MRPS5: variants seen among roughly 807,000 people sequenced by gnomAD.
The protein encoded by MRPS5 is small ribosomal subunit protein uS5m.
MRPS5 carries 27 observed loss-of-function variants against 51.9 expected under a neutral mutation model. The ratio of observed to expected loss-of-function variants is 0.52; its 90% CI spans 0.38 to 0.72. The LOEUF is 0.72. Ranked by LOEUF, MRPS5 falls within the 30% of genes least tolerant of loss-of-function variation. The probability of loss-of-function intolerance (pLI) is 0.00; values close to 1 mark genes in which losing one functional copy is unlikely to be tolerated. For synonymous variants in MRPS5, 196 were observed against 193.2 expected, an observed-to-expected ratio of 1.01 and a Z score of -0.12; for missense variants, 570 against 545.7, an observed-to-expected ratio of 1.04 and a Z score of -0.44.
chr2:95,121,602 G>A, intron 1 of MRPS5, 132 bp downstream of exon 1: 1 of 992,032 alleles, frequency 1.0e-6, no homozygotes, highest in Non-Finnish European at 1.4e-6. Context: ...TCCGGCGGAA[G>A]GTGGGGGCAC....
chr2:95,094,917 T>C (rs1017923608), intron 10 of MRPS5, among the ~76,000 whole-genome samples: 3 of 152,192 alleles, frequency 2.0e-5, no homozygotes, highest in African/African-American at 7.2e-5. Context: ...AATGCCCCAA[T>C]TAAAAGACAT....
chr2:95,102,133 TA>T (rs1675821269), intron 7 of MRPS5, among the ~76,000 whole-genome samples: 1 of 150,220 alleles, frequency 6.7e-6, no homozygotes, highest in Non-Finnish European at 1.5e-5. Context: ...GCACTCCAGA[TA>T]GAGCAAGACC....
chr2:95,110,010 T>A lies in MRPS5; in HGVS notation c.309A>T (p.Leu103Phe). 1 of 1,614,056 alleles carries A rather than the reference T, an allele frequency of 6.2e-7. No homozygotes were observed. Among genetic ancestry groups the A allele is most frequent in the Non-Finnish European group, 8.5e-7 (1 of 1,179,990 alleles). The change falls in exon 4 of 12, where the codon TTA becomes TTT. Residue 103 changes from leucine (L) to phenylalanine (F), a missense_variant. Leu to Phe is a conservative substitution (Grantham distance 22). Coordinates refer to ENST00000272418, the MANE Select transcript of MRPS5 (RefSeq NM_031902.5). Reference sequence around the variant, plus strand: ...TTTTTGCTCCAGCACCAGTCTCTGCTAAAGCGCCTTTCCACAGCTCATCTG... The same window carrying A: ...TTTTTGCTCCAGCACCAGTCTCTGCAAAAGCGCCTTTCCACAGCTCATCTG... ...LTADELWKGA[L>F]AETGAGAKKG...
At chr2:95,112,037 ACCT>A (rs1261203919) in intron 3 of MRPS5, among the ~76,000 whole-genome samples, 1 of 152,016 alleles carries the variant, frequency 6.6e-6, no homozygotes, top group Non-Finnish European at 1.5e-5. Flanking sequence ...TAATATATAC[ACCT>A]ATTAACTATA....
At position 95,093,988 on chromosome 2, in the gene MRPS5, A is replaced by C. The variant is rs531829867; in HGVS notation, c.932-3466T>G. 3.3e-5 allele frequency among the ~76,000 whole-genome samples: 5 copies of C among 152,358 alleles called. No individual in the cohort carries two copies. The South Asian group carries it at 1.0e-3, about 32-fold the overall frequency. ...ATCACAAGGAAGCTAAAAATCTTGA[A>C]AAAAGATTAGACAAATGGCTAACTA... is the stretch of plus-strand genomic sequence containing the variant. On this transcript the variant is annotated intron_variant, in intron 10 of 11. Coordinates refer to ENST00000272418, the MANE Select transcript of MRPS5 (RefSeq NM_031902.5).
At chr2:95,099,112 G>T (rs1675719313) in intron 10 of MRPS5, among the ~76,000 whole-genome samples, 1 of 151,380 alleles carries the variant, frequency 6.6e-6, no homozygotes, top group African/African-American at 2.4e-5. Context: ...TAGAGATGGG[G>T]TTTCACCATG....
chr2:95,119,024 G>C (rs1233815819), intron 1 of MRPS5, among the ~76,000 whole-genome samples: 1 of 152,064 alleles, frequency 6.6e-6, no homozygotes, highest in Non-Finnish European at 1.5e-5. Context: ...TTTAAAACTT[G>C]TGGCTTCAAA....
At chr2:95,103,101 G>A (rs1440814529) in intron 7 of MRPS5, among the ~76,000 whole-genome samples, 5 of 152,108 alleles carry the variant, frequency 3.3e-5, no homozygotes, top group Admixed American at 2.0e-4. Flanking sequence ...ACACAAACCC[G>A]AAGTGATAAC....
chr2:95,119,841 T>C (rs1235469731), intron 1 of MRPS5, among the ~76,000 whole-genome samples: 1 of 152,096 alleles, frequency 6.6e-6, no homozygotes, highest in Admixed American at 6.5e-5. Context: ...GGCGGGAGGA[T>C]TGCCTGCACC....
In MRPS5 at chr2:95,115,185, C is replaced by T. The variant is rs1432431057; in HGVS notation, c.158G>A (p.Gly53Glu). 4 of 1,602,464 alleles carry T rather than the reference C, an allele frequency of 2.5e-6. No individual in the cohort carries two copies. The highest frequency in any genetic ancestry group is 1.1e-5 in the South Asian group (1 of 88,526). Reference protein sequence around the residue: ...VLGNGHLSSLGTRDTHPYASL... With the variant: ...VLGNGHLSSLETRDTHPYASL... ...GGCGTAGGGATGGGTGTCTCTGGTT[C>T]CCAGTGATGACAAATGGCCTGTAGG... is the stretch of plus-strand genomic sequence containing the variant. Residue 53 changes from glycine (G) to glutamate (E), a missense_variant, in exon 3 of 12, where the codon GGA becomes GAA. Gly to Glu is a moderately conservative substitution (Grantham distance 98). Transcript: ENST00000272418.
chr2:95,107,812 A>G (rs1051805011), intron 5 of MRPS5, among the ~76,000 whole-genome samples: 1 of 152,156 alleles, frequency 6.6e-6, no homozygotes, highest in African/African-American at 2.4e-5. Context: ...GCTGATTTCT[A>G]GTACAGAAAC....
intron 6 of MRPS5, among the ~76,000 whole-genome samples, chr2:95,105,765 A>G (rs900999356): frequency 2.0e-5 from 3 of 152,220 alleles, no homozygotes; most frequent in Non-Finnish European, 4.4e-5. Flanking sequence ...CAAAGACATA[A>G]TATGTGTAAA....
intron 5 of MRPS5, among the ~76,000 whole-genome samples, chr2:95,107,916 G>A (rs898584728): frequency 6.6e-6 from 1 of 152,132 alleles, no homozygotes; most frequent in Admixed American, 6.5e-5. Context: ...TAGGTCCACA[G>A]TGCACATCCC....
At chr2:95,121,603 G>T in intron 1 of MRPS5, 131 bp downstream of exon 1, 1 of 1,005,702 alleles carries the variant, frequency 9.9e-7, no homozygotes, top group Non-Finnish European at 1.4e-6. Flanking sequence ...CCGGCGGAAG[G>T]TGGGGGCACG....
At position 95,100,769 on chromosome 2, in the gene MRPS5, C is replaced by T. The variant is rs1258827255; in HGVS notation, c.868+68G>A. ...AAACACAAAGATACCTATAGAGATA[C>T]ATTGTCACACAGACTTTAACAAATG... On this transcript the variant is annotated intron_variant, in intron 9 of 11. Transcript: ENST00000272418. 4.2e-6 allele frequency: 5 copies of T among 1,203,120 alleles called. No individual in the cohort carries two copies. The African/African-American group carries it at 4.6e-5, about 11-fold the overall frequency. 74.5% of individuals were successfully genotyped at this position (1,203,120 alleles called of 1,614,324 possible). A position where few individuals can be genotyped will look rare whatever the true frequency, so the allele number is the denominator to read the frequency against.
At chr2:95,116,392 T>C (rs1419718963) in intron 2 of MRPS5, among the ~76,000 whole-genome samples, 1 of 152,128 alleles carries the variant, frequency 6.6e-6, no homozygotes, top group Non-Finnish European at 1.5e-5. Context: ...TTAACTTTTT[T>C]TGAAAGCCTG....
intron 7 of MRPS5, chr2:95,103,824 A>G (rs2104411409): frequency 6.6e-6 from 1 of 152,258 alleles, no homozygotes; most frequent in African/African-American, 2.4e-5. Flanking sequence ...AAGGTGCAAA[A>G]TTATGGCTAT....
Position 95,121,714 on chromosome 2 carries a change from C to G in MRPS5, c.58+20G>C. 6.5e-7 allele frequency: 1 copy of G among 1,532,496 alleles called. No individual in the cohort carries two copies. The highest frequency in any genetic ancestry group is 8.7e-7 in the Non-Finnish European group (1 of 1,146,870). The allele number at this position is 1,532,496 out of a possible 1,614,324, so 94.9% of individuals were successfully genotyped here. A position where few individuals can be genotyped will look rare whatever the true frequency, so the allele number is the denominator to read the frequency against. On this transcript the variant is annotated intron_variant, in intron 1 of 11. Transcript: ENST00000272418. Reference sequence around the variant, plus strand: ...TCCCGGCCCGCTCAGAGCCCCTGCTCCCGGCGTCCCAGCTCTCACCTGCCG... The same window carrying G: ...TCCCGGCCCGCTCAGAGCCCCTGCTGCCGGCGTCCCAGCTCTCACCTGCCG...
chr2:95,090,331 C>G, intron 11 of MRPS5, 55 bp downstream of exon 11: 3 of 1,596,710 alleles, frequency 1.9e-6, no homozygotes, highest in Non-Finnish European at 2.6e-6. Context: ...AGCCCCAACA[C>G]ACACAACTGA....
Sources: gnomAD v4.1 joint callset for allele counts (sites outside exome capture counted in the v4.1 genomes callset) on GRCh38, gnomAD v4.1.1 for gene constraint, MANE v1.5 for transcripts, NCBI Gene and HGNC (gene_info 2026-07-23, HGNC 2026-07-21) for gene names.